ANK2: variants seen among roughly 807,000 people sequenced by gnomAD.
The protein encoded by ANK2 is ankyrin-2.
ANK2 carries 83 observed loss-of-function variants against 360.5 expected under a neutral mutation model. The ratio of observed to expected loss-of-function variants is 0.23; its 90% CI spans 0.19 to 0.28. The LOEUF is 0.28. ANK2 is among the 10% of genes least tolerant of loss of function. The probability of loss-of-function intolerance (pLI) is 1.00; values close to 1 mark genes in which losing one functional copy is unlikely to be tolerated. For missense variants in ANK2, 4,201 were observed against 4,795.7 expected, an observed-to-expected ratio of 0.88 and a Z score of 3.66; for synonymous variants, 1,740 against 1,759.5, an observed-to-expected ratio of 0.99 and a Z score of 0.28.
At position 113,242,273 on chromosome 4, in the gene ANK2, C is replaced by T. The variant is rs1050544222; in HGVS notation, c.891+64C>T. The T allele has an allele frequency of 5.9e-6, 8 of 1,349,212 alleles. No homozygotes were observed. The African/African-American group carries it at 1.0e-4, about 17-fold the overall frequency. The allele number at this position is 1,349,212 out of a possible 1,614,324, so 83.6% of individuals were successfully genotyped here. A position where few individuals can be genotyped will look rare whatever the true frequency, so the allele number is the denominator to read the frequency against. ...TTTCTTTCAAGCCTCATAGAAGGCA[C>T]CTCAAGACACCAGGTCATTAACATA... is the stretch of plus-strand genomic sequence containing the variant. On this transcript the variant is annotated intron_variant, in intron 9 of 45. Coordinates refer to ENST00000357077, the MANE Select transcript of ANK2 (RefSeq NM_001148.6).
At chr4:113,317,314 TTTTTCTTAG>T (rs770144774) in intron 24 of ANK2, 46 of 251,918 alleles carry the variant, frequency 1.8e-4, no homozygotes, top group Middle Eastern at 3.0e-3. Context: ...CCTCCTTATA[TTTTTCTTAG>T]TTGCAGAGAG....
chr4:113,364,165 G>C (rs11930964), intron 40 of ANK2, among the ~76,000 whole-genome samples: 1 of 152,070 alleles, frequency 6.6e-6, no homozygotes, highest in African/African-American at 2.4e-5. Context: ...CCGCCATCAC[G>C]CATTGGTTCC....
chr4:112,810,683 C>T, the ANK2 span, among the ~76,000 whole-genome samples: 2 of 152,154 alleles, frequency 1.3e-5, 1 homozygote, highest in East Asian at 3.9e-4. Flanking sequence ...TCCTGAGTAG[C>T]TGGGATTACA....
chr4:113,018,971 T>C (rs1488600090), intron 2 of ANK2, among the ~76,000 whole-genome samples: 1 of 152,188 alleles, frequency 6.6e-6, no homozygotes, highest in Non-Finnish European at 1.5e-5. Flanking sequence ...TCCTCAAATA[T>C]TGGATCCCTC....
At chr4:112,874,349 C>T (rs1385375260) in intron 1 of ANK2, among the ~76,000 whole-genome samples, 2 of 150,088 alleles carry the variant, frequency 1.3e-5, no homozygotes, top group African/African-American at 2.4e-5. Context: ...TCCCAAAGTG[C>T]TGGGATTACA....
At position 113,332,066 on chromosome 4, in the gene ANK2, C is replaced by G; in HGVS notation, c.3220C>G (p.Leu1074Val). 6.2e-7 allele frequency: 1 copy of G among 1,613,496 alleles called. No homozygotes were observed. The highest frequency in any genetic ancestry group is 1.3e-5 in the African/African-American group (1 of 75,030). The change falls in exon 28 of 46, where the codon CTT (leucine) becomes GTT (valine). Residue 1074 changes from leucine (L) to valine (V), a missense_variant. Leu to Val is a conservative substitution (Grantham distance 32). Coordinates refer to ENST00000357077, the MANE Select transcript of ANK2 (RefSeq NM_001148.6). ...LQLGPPGTKF[L>V]GPVIVEIPHF... ...GCTGGGGCCTCCTGGAACCAAATTCCTTGGGTAGGAGTGACTTAAAACAAA... is the reference window on the plus strand; with the variant it reads ...GCTGGGGCCTCCTGGAACCAAATTCGTTGGGTAGGAGTGACTTAAAACAAA...
chr4:112,809,875 G>C, the ANK2 span, among the ~76,000 whole-genome samples: 1 of 149,706 alleles, frequency 6.7e-6, no homozygotes, highest in Non-Finnish European at 1.5e-5. Flanking sequence ...AATTAGAATT[G>C]AGTACTTAGA....
intron 1 of ANK2, among the ~76,000 whole-genome samples, chr4:113,123,843 G>A (rs568974800): frequency 2.0e-5 from 3 of 152,212 alleles, no homozygotes; most frequent in East Asian, 1.9e-4. Context: ...TCAAGCGATC[G>A]TAGATTTACT....
intron 45 of ANK2, chr4:113,374,899 T>C: frequency 1.6e-6 from 2 of 1,250,982 alleles, no homozygotes; most frequent in Non-Finnish European, 2.1e-6. Flanking sequence ...TCTGGGGGAT[T>C]CTAGTTTAGC....
intron 2 of ANK2, among the ~76,000 whole-genome samples, chr4:112,946,040 T>C (rs2094522187): frequency 6.6e-6 from 1 of 152,208 alleles, no homozygotes. Context: ...ACTCTGCAAG[T>C]AATCATGCTC....
chr4:113,125,003 C>CA (rs1172407593), intron 1 of ANK2, among the ~76,000 whole-genome samples: 1 of 152,070 alleles, frequency 6.6e-6, no homozygotes, highest in Non-Finnish European at 1.5e-5. Context: ...TCATTATAAA[C>CA]ATGTATCTTA....
intron 1 of ANK2, among the ~76,000 whole-genome samples, chr4:113,060,048 A>G (rs919907399): frequency 4.6e-5 from 7 of 152,134 alleles, no homozygotes; most frequent in African/African-American, 1.7e-4. Context: ...CGATTATCCC[A>G]GAGTCACTTA....
At chr4:113,263,187 G>GA (rs762758720) in intron 13 of ANK2, among the ~76,000 whole-genome samples, 5,188 of 63,152 alleles carry the variant, frequency 0.082, 199 homozygotes, top group East Asian at 0.12. Flanking sequence ...GACTCTGTCT[G>GA]AAAAAAAAAA....
the ANK2 span, chr4:112,796,948 G>A: frequency 6.5e-6 from 1 of 152,698 alleles, no homozygotes; most frequent in African/African-American, 2.4e-5. Flanking sequence ...GTAATGAGCT[G>A]TGAAATGTAT....
intron 1 of ANK2, among the ~76,000 whole-genome samples, chr4:113,151,415 A>C (rs948493515): frequency 3.9e-5 from 6 of 152,164 alleles, no homozygotes; most frequent in Non-Finnish European, 7.3e-5. Context: ...AAAGGGTAGG[A>C]GAGCTGGTGT....
intron 1 of ANK2, among the ~76,000 whole-genome samples, chr4:112,839,757 C>T (rs748260027): frequency 6.6e-6 from 1 of 152,144 alleles, no homozygotes; most frequent in Non-Finnish European, 1.5e-5. Context: ...CAATGACCAG[C>T]TTTAAGGCAA....
At chr4:112,957,408 C>T (rs1436077492) in intron 2 of ANK2, among the ~76,000 whole-genome samples, 5 of 152,320 alleles carry the variant, frequency 3.3e-5, no homozygotes, top group Admixed American at 6.5e-5. Flanking sequence ...TCTCCCATGT[C>T]TACTTCTTTC....
rs2153926514 is a variant in ANK2 at position 113,330,487 on chromosome 4, A to T, written c.3125+17A>T. 6.2e-7 allele frequency: 1 copy of T among 1,612,528 alleles called. No homozygotes were observed. Among genetic ancestry groups the T allele is most frequent in the Non-Finnish European group, 8.5e-7 (1 of 1,178,740 alleles). On this transcript the variant is annotated intron_variant, in intron 27 of 45. Transcript: ENST00000357077. ...GTTCCTTGGGTAAGGGTTTCTGATA[A>T]ACCTCCCACTTAGTCATCGATGAGC... is the stretch of plus-strand genomic sequence containing the variant.
intron 2 of ANK2, among the ~76,000 whole-genome samples, chr4:113,038,107 A>T (rs1479991892): frequency 1.3e-5 from 2 of 151,732 alleles, no homozygotes; most frequent in African/African-American, 4.8e-5. Context: ...TTTTTTTTGT[A>T]TAGAATTTAA....
Sources: allele counts gnomAD v4.1 joint callset (sites outside exome capture counted in the v4.1 genomes callset), GRCh38; gene constraint gnomAD v4.1.1; transcripts MANE v1.5; gene names NCBI Gene and HGNC (gene_info 2026-07-23, HGNC 2026-07-21).